Variants in GIGYF2 observed in about 807,000 individuals in gnomAD.
GIGYF2 encodes the protein GRB10 interacting GYF protein 2, also known as GRB10-interacting GYF protein 2.
A neutral mutation model predicts 208.1 loss-of-function variants in GIGYF2; 25 were observed. The ratio of observed to expected loss-of-function variants is 0.12; its 90% CI spans 0.09 to 0.17. GIGYF2 has a LOEUF of 0.17. Ranked by LOEUF, GIGYF2 falls within the 10% of genes least tolerant of loss-of-function variation. The pLI, the probability that GIGYF2 is intolerant of heterozygous loss-of-function variation, is 1.00. For synonymous variants in GIGYF2, 534 were observed against 543.8 expected, an observed-to-expected ratio of 0.98 and a Z score of 0.25; for missense variants, 1,302 against 1,579.4, an observed-to-expected ratio of 0.82 and a Z score of 2.98.
Position 232,819,814 on chromosome 2 carries a change from C to A in GIGYF2, c.2371-13C>A. 1 of 581,458 alleles carries A rather than the reference C, an allele frequency of 1.7e-6. No homozygotes were observed. The highest frequency in any genetic ancestry group is 2.8e-6 in the Non-Finnish European group (1 of 363,284). The allele number at this position is 581,458 out of a possible 1,614,324, so 36.0% of individuals were successfully genotyped here. ...CCCTCCCCCACCCCCCACCCTCCAT[C>A]TTTTTTCCTTAGGAAGAGGCTCTGC... On this transcript the variant is annotated splice_polypyrimidine_tract_variant and intron_variant, in intron 20 of 28. Transcript: ENST00000373563.
chr2:232,843,245 C>G (rs1034492894), intron 23 of GIGYF2, among the ~76,000 whole-genome samples: 4 of 149,944 alleles, frequency 2.7e-5, no homozygotes, highest in Non-Finnish European at 5.9e-5. Flanking sequence ...TGTGCTTAAC[C>G]AAAAGCCTAC....
intron 17 of GIGYF2, 113 bp downstream of exon 17, chr2:232,811,464 A>T: frequency 1.4e-6 from 1 of 730,826 alleles, no homozygotes; most frequent in Non-Finnish European, 2.5e-6. Flanking sequence ...CACTCCCAAC[A>T]CATACCTGCA....
chr2:232,851,477 T>G (rs1029623901), intron 28 of GIGYF2, among the ~76,000 whole-genome samples: 2 of 151,960 alleles, frequency 1.3e-5, no homozygotes, highest in African/African-American at 2.4e-5. Flanking sequence ...TGGAGTGCAG[T>G]GGCGTGATCT....
Position 232,819,877 on chromosome 2 carries a change from G to A in GIGYF2, c.2421G>A (p.Gln807=), listed in dbSNP as rs763996321. The A allele has an allele frequency of 1.3e-5, 20 of 1,597,046 alleles. No homozygotes were observed. The highest frequency in any genetic ancestry group is 3.3e-5 in the South Asian group (3 of 90,712). ...QREQEIALRR[Q]REEEERQQQE... ...AGCAAGAAATTGCATTAAGGCGACA[G>A]CGAGAAGAGGAAGAAAGACAGCAGC... is the stretch of plus-strand genomic sequence containing the variant. The change falls in exon 21 of 29, where the codon CAG becomes CAA. Residue 807 remains glutamine (Q), a synonymous_variant. Transcript: ENST00000373563.
At chr2:232,729,714 TG>T in intron 2 of GIGYF2, 2 of 761,568 alleles carry the variant, frequency 2.6e-6, no homozygotes, top group Admixed American at 3.5e-5. Flanking sequence ...TGAATGCCTC[TG>T]ATGCACTCCT....
chr2:232,770,971 C>A, intron 8 of GIGYF2: 1 of 1,614,006 alleles, frequency 6.2e-7, no homozygotes, highest in Non-Finnish European at 8.5e-7. Context: ...TGCACTTGGA[C>A]AGTCACCACT....
chr2:232,812,153 A>T (rs1488242265), intron 17 of GIGYF2, among the ~76,000 whole-genome samples: 1 of 152,198 alleles, frequency 6.6e-6, no homozygotes, highest in Non-Finnish European at 1.5e-5. Flanking sequence ...CAGTGGGTAT[A>T]TCCATCATTT....
At chr2:232,780,366 G>A (rs1405382178) in intron 8 of GIGYF2, among the ~76,000 whole-genome samples, 1 of 152,304 alleles carries the variant, frequency 6.6e-6, no homozygotes, top group East Asian at 1.9e-4. Flanking sequence ...TATGTAGTAC[G>A]TATGTATTTT....
rs539487919 is a variant in GIGYF2 at position 232,818,297 on chromosome 2, A to G, written c.2370+1265A>G. On this transcript the variant is annotated intron_variant, in intron 20 of 28. Coordinates refer to ENST00000373563, the MANE Select transcript of GIGYF2 (RefSeq NM_001103146.3). Reference sequence around the variant, plus strand: ...AATAGGGAGCAAAAACAAACTCTACACGTATATTTGCTTTACAACATTTTC... The same window carrying G: ...AATAGGGAGCAAAAACAAACTCTACGCGTATATTTGCTTTACAACATTTTC... 3.3e-5 allele frequency among the ~76,000 whole-genome samples: 5 copies of G among 152,310 alleles called. No individual in the cohort carries two copies. The South Asian group carries it at 1.0e-3, about 32-fold the overall frequency.
intron 2 of GIGYF2, chr2:232,706,092 A>G (rs1400974830): frequency 6.6e-6 from 1 of 152,032 alleles, no homozygotes; most frequent in Non-Finnish European, 1.5e-5. Context: ...CTATATTAGT[A>G]TGTCTAGATT....
chr2:232,749,965 A>T (rs1161023695), intron 5 of GIGYF2, among the ~76,000 whole-genome samples: 1 of 152,094 alleles, frequency 6.6e-6, no homozygotes, highest in Non-Finnish European at 1.5e-5. Flanking sequence ...TGGGCGGATC[A>T]CCTGAGGTCA....
At chr2:232,742,242 A>G (rs79887661) in intron 3 of GIGYF2, among the ~76,000 whole-genome samples, 1 of 152,264 alleles carries the variant, frequency 6.6e-6, no homozygotes, top group African/African-American at 2.4e-5. Context: ...ATTGTGTGCC[A>G]GTGAAAAAAG....
intron 2 of GIGYF2, among the ~76,000 whole-genome samples, chr2:232,712,224 C>T (rs1336844299): frequency 6.6e-6 from 1 of 152,126 alleles, no homozygotes; most frequent in Non-Finnish European, 1.5e-5. Context: ...TTGTGTGCAG[C>T]TATTCTTTCA....
intron 14 of GIGYF2, among the ~76,000 whole-genome samples, chr2:232,803,674 C>CTTTTTTTTTTTTTTT (rs768507929): frequency 6.0e-5 from 3 of 49,928 alleles, no homozygotes; most frequent in African/African-American, 3.8e-4. Context: ...ATTTCTGCTT[C>CTTTTTTTTTTTTTTT]TTTTTTTTTT....
chr2:232,747,527 A>G, intron 3 of GIGYF2, 88 bp from the exon 4 acceptor site: 2 of 1,409,668 alleles, frequency 1.4e-6, no homozygotes, highest in Non-Finnish European at 2.0e-6. Context: ...CTTCTAAAGA[A>G]CTAAAATGAA....
intron 22 of GIGYF2, among the ~76,000 whole-genome samples, chr2:232,836,286 A>ACT (rs1701599535): frequency 1.5e-4 from 1 of 6,488 alleles, no homozygotes; most frequent in Non-Finnish European, 4.5e-4. Context: ...ATATATATAT[A>ACT]TATATATATA....
At chr2:232,821,776 C>T (rs754154435) in intron 21 of GIGYF2, among the ~76,000 whole-genome samples, 3 of 151,706 alleles carry the variant, frequency 2.0e-5, no homozygotes, top group Non-Finnish European at 2.9e-5. Flanking sequence ...ATTAAAATAT[C>T]TCCTGTATTT....
chr2:232,746,171 A>G (rs1398667101), intron 3 of GIGYF2, among the ~76,000 whole-genome samples: 1 of 151,886 alleles, frequency 6.6e-6, no homozygotes, highest in African/African-American at 2.4e-5. Flanking sequence ...ATTTTCCACA[A>G]TAAGTAAAAA....
chr2:232,819,377 G>A (rs1701008678), intron 20 of GIGYF2, among the ~76,000 whole-genome samples: 1 of 152,068 alleles, frequency 6.6e-6, no homozygotes, highest in South Asian at 2.1e-4. Flanking sequence ...GGGACACATG[G>A]CTTTACTCAT....
Sources: gnomAD v4.1 joint callset for allele counts (sites outside exome capture counted in the v4.1 genomes callset) on GRCh38, gnomAD v4.1.1 for gene constraint, MANE v1.5 for transcripts, NCBI Gene and HGNC (gene_info 2026-07-23, HGNC 2026-07-21) for gene names.